Variants in RSRC1 observed in about 807,000 individuals in gnomAD.
The protein encoded by RSRC1 is arginine and serine rich coiled-coil 1.
In RSRC1, 39 loss-of-function variants were observed where a neutral mutation model predicts 49.1. The ratio of observed to expected loss-of-function variants is 0.79; its 90% CI spans 0.61 to 1.04. RSRC1 has a LOEUF of 1.04. Ranked by LOEUF, RSRC1 falls within the 50% of genes least tolerant of loss-of-function variation. RSRC1 has a pLI of 0.00. For synonymous variants in RSRC1, 143 were observed against 130.8 expected, an observed-to-expected ratio of 1.09 and a Z score of -0.63; for missense variants, 388 against 402.4, an observed-to-expected ratio of 0.96 and a Z score of 0.31.
intron 6 of RSRC1, among the ~76,000 whole-genome samples, chr3:158,358,733 G>A (rs933524475): frequency 8.5e-5 from 13 of 152,062 alleles, no homozygotes; most frequent in Admixed American, 2.0e-4. Context: ...GAGTGAAACC[G>A]CTTACCTACT....
intron 3 of RSRC1, among the ~76,000 whole-genome samples, chr3:158,177,999 C>T (rs1319740725): frequency 6.6e-6 from 1 of 152,114 alleles, no homozygotes. Flanking sequence ...TGTCAATTCA[C>T]TTTTTCAAAT....
At chr3:158,293,352 C>A (rs1727051981) in intron 4 of RSRC1, among the ~76,000 whole-genome samples, 1 of 152,028 alleles carries the variant, frequency 6.6e-6, no homozygotes, top group Non-Finnish European at 1.5e-5. Context: ...TGTATTTTGT[C>A]ATTAAAGCAT....
intron 5 of RSRC1, among the ~76,000 whole-genome samples, chr3:158,353,545 G>C (rs1730989215): frequency 1.3e-5 from 2 of 152,112 alleles, no homozygotes; most frequent in African/African-American, 4.8e-5. Flanking sequence ...CTTAATCCCT[G>C]TTCTGTGATA....
intron 4 of RSRC1, among the ~76,000 whole-genome samples, chr3:158,274,966 A>G (rs1268446637): frequency 1.3e-5 from 2 of 152,008 alleles, no homozygotes; most frequent in East Asian, 3.9e-4. Context: ...ACTACTCCCC[A>G]CCCCCCAGCA....
chr3:158,222,034 A>G (rs1192726431), intron 4 of RSRC1, among the ~76,000 whole-genome samples: 1 of 151,480 alleles, frequency 6.6e-6, no homozygotes, highest in Non-Finnish European at 1.5e-5. Flanking sequence ...TCTAAAAGCC[A>G]TTGCCATTTT....
intron 6 of RSRC1, among the ~76,000 whole-genome samples, chr3:158,453,034 TA>T (rs1445422613): frequency 6.6e-6 from 1 of 152,180 alleles, no homozygotes; most frequent in African/African-American, 2.4e-5. Context: ...CTTTTTTATT[TA>T]ATATTTGTCT....
At chr3:158,149,898 A>G (rs564788669) in intron 3 of RSRC1, among the ~76,000 whole-genome samples, 106 of 151,560 alleles carry the variant, frequency 7.0e-4, no homozygotes, top group Non-Finnish European at 1.3e-3. Flanking sequence ...CTGTAACACA[A>G]TTTTGTTTTT....
intron 5 of RSRC1, among the ~76,000 whole-genome samples, chr3:158,321,269 C>T (rs1241518980): frequency 1.0e-5 from 1 of 96,978 alleles, no homozygotes; most frequent in Admixed American, 1.1e-4. Flanking sequence ...TCTTTTTCTT[C>T]TTCCTCTTCC....
At chr3:158,483,426 A>G (rs1457906354) in intron 7 of RSRC1, among the ~76,000 whole-genome samples, 2 of 152,202 alleles carry the variant, frequency 1.3e-5, no homozygotes, top group East Asian at 3.9e-4. Flanking sequence ...TATGGTAAAA[A>G]TATATGGGAA....
At chr3:158,250,890 A>G (rs1360290845) in intron 4 of RSRC1, among the ~76,000 whole-genome samples, 2 of 152,128 alleles carry the variant, frequency 1.3e-5, no homozygotes, top group East Asian at 1.9e-4. Flanking sequence ...CTTGTGGGGT[A>G]TTAGTCAGGA....
chr3:158,326,121 G>T (rs1042700079), intron 5 of RSRC1, among the ~76,000 whole-genome samples: 1 of 152,160 alleles, frequency 6.6e-6, no homozygotes, highest in Non-Finnish European at 1.5e-5. Context: ...AGCTTAAGGA[G>T]ATTTTGGGCT....
intron 5 of RSRC1, among the ~76,000 whole-genome samples, chr3:158,339,856 C>G (rs1340799141): frequency 6.6e-6 from 1 of 152,070 alleles, no homozygotes; most frequent in Non-Finnish European, 1.5e-5. Flanking sequence ...ACATGTTTCC[C>G]CAGGGCATTA....
At chr3:158,433,847 A>G (rs946186590) in intron 6 of RSRC1, among the ~76,000 whole-genome samples, 20 of 151,960 alleles carry the variant, frequency 1.3e-4, no homozygotes, top group Non-Finnish European at 7.4e-5. Context: ...GTTGGTTGTA[A>G]TATCTGCTAA....
intron 5 of RSRC1, among the ~76,000 whole-genome samples, chr3:158,351,531 A>G (rs181902095): frequency 6.6e-4 from 100 of 152,358 alleles, no homozygotes; most frequent in Admixed American, 1.1e-3. Flanking sequence ...TTAGCAAGTT[A>G]TATCTGCATA....
intron 7 of RSRC1, among the ~76,000 whole-genome samples, chr3:158,484,891 G>A (rs1738757793): frequency 6.6e-6 from 1 of 152,024 alleles, no homozygotes; most frequent in African/African-American, 2.4e-5. Flanking sequence ...TCCAGTTATA[G>A]CAGGAAAATA....
intron 6 of RSRC1, among the ~76,000 whole-genome samples, chr3:158,441,131 T>G (rs2108373710): frequency 6.6e-6 from 1 of 152,276 alleles, no homozygotes. Flanking sequence ...CTGCTTCTCC[T>G]ACAGTCTGTT....
chr3:158,129,448 G>A (rs113729457), intron 3 of RSRC1, among the ~76,000 whole-genome samples: 3 of 151,856 alleles, frequency 2.0e-5, no homozygotes, highest in South Asian at 4.2e-4. Flanking sequence ...CCACCACCAC[G>A]TCCAGCTAAT....
chr3:158,277,815 T>C lies in RSRC1; in HGVS notation c.495-20224T>C, dbSNP rs1024423793. On this transcript the variant is annotated intron_variant, in intron 4 of 9. Coordinates refer to ENST00000611884, the MANE Select transcript of RSRC1 (RefSeq NM_001271838.2). ...TATTTTTTGTTTTAGAGACAGCATCTCACTCTGTGGCCAGGCTTATATACT... is the reference window on the plus strand; with the variant it reads ...TATTTTTTGTTTTAGAGACAGCATCCCACTCTGTGGCCAGGCTTATATACT... Among the ~76,000 whole-genome samples the C allele has an allele frequency of 2.6e-5, 4 of 152,184 alleles. No homozygotes were observed. The East Asian group carries it at 7.7e-4, about 29-fold the overall frequency.
At chr3:158,186,005 C>T (rs186557119) in intron 3 of RSRC1, among the ~76,000 whole-genome samples, 183 of 151,716 alleles carry the variant, frequency 1.2e-3, no homozygotes, top group African/African-American at 4.3e-3. Flanking sequence ...TGTTTTTTGT[C>T]GAGAATTCTT....
Sources: allele counts gnomAD v4.1 joint callset (sites outside exome capture counted in the v4.1 genomes callset), GRCh38; gene constraint gnomAD v4.1.1; transcripts MANE v1.5; gene names NCBI Gene and HGNC (gene_info 2026-07-23, HGNC 2026-07-21).